WNT7A: variants seen among roughly 807,000 people sequenced by gnomAD.
The protein encoded by WNT7A is Wnt family member 7A, also known as protein Wnt-7a.
Under a neutral mutation model 28.2 loss-of-function variants are expected in WNT7A, and 16 were observed. The ratio of observed to expected loss-of-function variants is 0.57; its 90% CI spans 0.38 to 0.86. The LOEUF (loss-of-function observed/expected upper bound fraction) is 0.86, where lower values mean the gene tolerates loss of function less well. WNT7A is among the 40% of genes least tolerant of loss of function. The pLI, the probability that WNT7A is intolerant of heterozygous loss-of-function variation, is 0.00. For synonymous variants in WNT7A, 190 were observed against 195.9 expected, an observed-to-expected ratio of 0.97 and a Z score of 0.25; for missense variants, 411 against 489.7, an observed-to-expected ratio of 0.84 and a Z score of 1.52.
intron 3 of WNT7A, among the ~76,000 whole-genome samples, chr3:13,843,999 G>A (rs917954339): frequency 6.6e-5 from 10 of 152,096 alleles, no homozygotes; most frequent in African/African-American, 2.4e-4. Context: ...ACCCACCCTT[G>A]GCCTCCCAAA....
chr3:13,852,507 C>T (rs1039900983), intron 3 of WNT7A, among the ~76,000 whole-genome samples: 3 of 152,126 alleles, frequency 2.0e-5, no homozygotes, highest in African/African-American at 4.8e-5. Context: ...TGACTGGCAC[C>T]GGTCGGAACA....
At chr3:13,863,565 GC>G (rs764711057) in intron 2 of WNT7A, 8 of 152,042 alleles carry the variant, frequency 5.3e-5, no homozygotes, top group Admixed American at 1.3e-4. Context: ...TGTCAGGAGA[GC>G]TAAAACCCAG....
intron 3 of WNT7A, among the ~76,000 whole-genome samples, chr3:13,833,910 C>T (rs1319849031): frequency 2.0e-5 from 3 of 152,210 alleles, no homozygotes; most frequent in Admixed American, 6.5e-5. Flanking sequence ...CCTGGCCAGG[C>T]GCTGAGGTTG....
chr3:13,844,739 G>C (rs1694512776), intron 3 of WNT7A, among the ~76,000 whole-genome samples: 1 of 152,160 alleles, frequency 6.6e-6, no homozygotes, highest in African/African-American at 2.4e-5. Flanking sequence ...TCCTTCCTAG[G>C]GACACAGGTG....
intron 3 of WNT7A, 92 bp from the exon 4 acceptor site, chr3:13,819,515 C>T: frequency 6.8e-7 from 1 of 1,461,270 alleles, no homozygotes; most frequent in Admixed American, 2.4e-5. Flanking sequence ...CCACCCCTGC[C>T]CCACCTATCT....
intron 3 of WNT7A, among the ~76,000 whole-genome samples, chr3:13,846,986 T>C (rs1694546897): frequency 6.6e-6 from 1 of 152,188 alleles, no homozygotes; most frequent in African/African-American, 2.4e-5. Flanking sequence ...TTCCAGTCTC[T>C]GTGGGAAGGG....
At chr3:13,830,232 T>A (rs1290413144) in intron 3 of WNT7A, among the ~76,000 whole-genome samples, 1 of 151,962 alleles carries the variant, frequency 6.6e-6, no homozygotes, top group African/African-American at 2.4e-5. Flanking sequence ...TGGGCCCCGG[T>A]CAAAAAGATG....
chr3:13,856,092 G>T (rs752148511), intron 2 of WNT7A, among the ~76,000 whole-genome samples: 2 of 152,266 alleles, frequency 1.3e-5, no homozygotes, highest in African/African-American at 4.8e-5. Context: ...CCTGCAGAAG[G>T]TAGGCCTGTC....
intron 3 of WNT7A, among the ~76,000 whole-genome samples, chr3:13,841,085 G>A (rs377535887): frequency 1.3e-4 from 20 of 152,298 alleles, no homozygotes; most frequent in African/African-American, 4.6e-4. Flanking sequence ...ATAGGGATTC[G>A]GCTCTCTGGC....
At chr3:13,866,100 C>G (rs1446870602) in intron 2 of WNT7A, among the ~76,000 whole-genome samples, 4 of 152,214 alleles carry the variant, frequency 2.6e-5, no homozygotes, top group African/African-American at 9.6e-5. Flanking sequence ...CCCAAGTACC[C>G]TCTGTGCCAT....
At chr3:13,847,573 G>C (rs1332448477) in intron 3 of WNT7A, among the ~76,000 whole-genome samples, 1 of 152,186 alleles carries the variant, frequency 6.6e-6, no homozygotes, top group Non-Finnish European at 1.5e-5. Flanking sequence ...TGGAGGCTAG[G>C]GAGGGTTCCC....
At chr3:13,871,974 C>T (rs78657113) in intron 2 of WNT7A, among the ~76,000 whole-genome samples, 9,553 of 152,122 alleles carry the variant, frequency 0.063, 484 homozygotes, top group South Asian at 0.19. Context: ...CCCAGCCCCT[C>T]GCTGTTCCTT....
At chr3:13,860,066 T>C (rs2124865563) in intron 2 of WNT7A, among the ~76,000 whole-genome samples, 1 of 152,290 alleles carries the variant, frequency 6.6e-6, no homozygotes, top group East Asian at 1.9e-4. Context: ...GGTTTTTTTT[T>C]TTAAGGAAGA....
intron 3 of WNT7A, among the ~76,000 whole-genome samples, chr3:13,823,658 G>T (rs1694146108): frequency 6.6e-6 from 1 of 152,216 alleles, no homozygotes; most frequent in South Asian, 2.1e-4. Context: ...AAGACCAGCT[G>T]CATGAAACTG....
chr3:13,819,797 T>C (rs146664152), intron 3 of WNT7A, among the ~76,000 whole-genome samples: 1 of 152,310 alleles, frequency 6.6e-6, no homozygotes, highest in Non-Finnish European at 1.5e-5. Context: ...AAAGAGGACA[T>C]ACTTTATGAT....
At chr3:13,861,427 TGAG>T (rs1337769218) in intron 2 of WNT7A, among the ~76,000 whole-genome samples, 35 of 152,384 alleles carry the variant, frequency 2.3e-4, no homozygotes, top group African/African-American at 8.2e-4. Context: ...TTCTAGGGCA[TGAG>T]GAAACTCAGA....
chr3:13,858,539 G>T (rs900179928), intron 2 of WNT7A, among the ~76,000 whole-genome samples: 4 of 152,172 alleles, frequency 2.6e-5, no homozygotes, highest in Admixed American at 2.6e-4. Context: ...CTGAGGTGGG[G>T]AAGGGCAGCT....
Position 13,826,734 on chromosome 3 carries a change from C to T in WNT7A, c.571-7311G>A, listed in dbSNP as rs569040604. ...GTGGCTGAAACCAGCCAGAAGAGGG[C>T]TAAACATCTACAATTTTTGATATCT... On this transcript the variant is annotated intron_variant, in intron 3 of 3. Coordinates refer to ENST00000285018, the MANE Select transcript of WNT7A (RefSeq NM_004625.4). Among the ~76,000 whole-genome samples, 10 of 152,132 alleles carry T rather than the reference C, an allele frequency of 6.6e-5. No homozygotes were observed. In the East Asian group the frequency reaches 1.9e-3, roughly 29 times the overall value.
intron 2 of WNT7A, among the ~76,000 whole-genome samples, chr3:13,867,981 C>A (rs1293440967): frequency 6.6e-6 from 1 of 152,118 alleles, no homozygotes; most frequent in Non-Finnish European, 1.5e-5. Flanking sequence ...GAGCTTGGCA[C>A]AATAGCAATT....
Sources: gnomAD v4.1 joint callset for allele counts (sites outside exome capture counted in the v4.1 genomes callset) on GRCh38, gnomAD v4.1.1 for gene constraint, MANE v1.5 for transcripts, NCBI Gene and HGNC (gene_info 2026-07-23, HGNC 2026-07-21) for gene names.